Variants in VSIG8 observed in about 807,000 individuals in gnomAD.
The protein encoded by VSIG8 is V-set and immunoglobulin domain containing 8.
VSIG8 carries 32 observed loss-of-function variants against 42.6 expected under a neutral mutation model. The observed-to-expected ratio is 0.75, with a 90% CI of 0.57 to 1.01. VSIG8 has a LOEUF of 1.01. Among genes scored for constraint, VSIG8 ranks in the 50% least tolerant of loss-of-function variants. The pLI is 0.00. For synonymous variants in VSIG8, 290 were observed against 243.8 expected (o/e 1.19, Z -1.77); for missense variants, 529 against 558.0 (o/e 0.95, Z 0.52).
intron 4 of VSIG8, 45 bp downstream of exon 4, chr1:159,857,700 G>A (rs774842804): frequency 6.5e-7 from 1 of 1,549,724 alleles, no homozygotes; most frequent in Non-Finnish European, 8.9e-7. Context: ...CAGAGTCCCT[G>A]ATCTTCCACT....
At chr1:159,856,771 C>CCACACACACA (rs34019182) in intron 4 of VSIG8, 128 bp from the exon 5 acceptor site, 6 of 890,512 alleles carry the variant, frequency 6.7e-6, no homozygotes, top group African/African-American at 1.8e-5. Context: ...ACACCCACAC[C>CCACACACACA]CACACACACA....
At chr1:159,856,765 CCACACCCACACA>C (rs1648844117) in intron 4 of VSIG8, 122 bp from the exon 5 acceptor site, 1 of 1,146,260 alleles carries the variant, frequency 8.7e-7, no homozygotes. Flanking sequence ...GTGTGTACAC[CCACACCCACACA>C]CACACACACA....
At position 159,857,979 on chromosome 1, in the gene VSIG8, A is replaced by G; in HGVS notation, c.431-13T>C. 6.2e-7 allele frequency: 1 copy of G among 1,613,038 alleles called. No individual in the cohort carries two copies. ...ACTGCAGGTCGTGCTGCAAGGAGGC[A>G]GACAATTGTAAGCCAGGGCCCAGCC... On this transcript the variant is annotated splice_polypyrimidine_tract_variant and intron_variant, in intron 3 of 6. Coordinates refer to ENST00000368100, the MANE Select transcript of VSIG8 (RefSeq NM_001013661.1).
Position 159,854,560 on chromosome 1 carries a change from G to T in VSIG8, c.*193C>A. 8.9e-7 allele frequency: 1 copy of T among 1,126,344 alleles called. No homozygotes were observed. Among genetic ancestry groups the T allele is most frequent in the Non-Finnish European group, 1.2e-6 (1 of 863,742 alleles). The allele number at this position is 1,126,344 out of a possible 1,614,324, so 69.8% of individuals were successfully genotyped here. On this transcript the variant is annotated 3_prime_UTR_variant, in exon 7 of 7. Transcript: ENST00000368100. The stretch of plus-strand genomic sequence containing the variant: ...CTCAGGATCGCCTTCCTCCGCCCTC[G>T]CCCGCCCCTTCCCACTTTTGGGGAG...
chr1:159,856,640 A>G lies in VSIG8; in HGVS notation c.656T>C (p.Leu219Pro). 6.2e-7 allele frequency: 1 copy of G among 1,613,964 alleles called. No individual in the cohort carries two copies. Among genetic ancestry groups the G allele is most frequent in the African/African-American group, 1.3e-5 (1 of 75,042 alleles). ...CTTCAACACCAGGTCCCCATTGTTC[A>G]GGCCTGAAAGTGAAGTGGAGAGAGG... Reference protein sequence around the residue: ...ESFHSSINQGLNNGDLVLKDI... With the variant: ...ESFHSSINQGPNNGDLVLKDI... Residue 219 changes from leucine to proline, a missense_variant, in exon 5 of 7, where the codon CTG becomes CCG. By Grantham distance (98) the Leu-to-Pro change is moderately conservative. Transcript: ENST00000368100.
chr1:159,858,898 C>G lies in VSIG8; in HGVS notation c.64G>C (p.Val22Leu), dbSNP rs561309462. The G allele has an allele frequency of 5.0e-6, 8 of 1,613,524 alleles. No individual in the cohort carries two copies. The highest frequency in any genetic ancestry group is 3.3e-5 in the South Asian group (3 of 91,042). ...VCLSPALLSAVRINGDGQEVL... is the reference protein window; with the variant it reads ...VCLSPALLSALRINGDGQEVL... ...TCCTGTCCATCCCCGTTGATCCGCA[C>G]AGCAGACAGCAGTGCTAGGGGGAGG... The change falls in exon 2 of 7, where the codon GTG (valine) becomes CTG (leucine). Residue 22 changes from valine to leucine, a missense_variant. Val to Leu is a conservative substitution (Grantham distance 32). Coordinates refer to ENST00000368100, the MANE Select transcript of VSIG8 (RefSeq NM_001013661.1).
chr1:159,857,701 A>T (rs768187218), intron 4 of VSIG8, 44 bp downstream of exon 4: 1 of 1,556,362 alleles, frequency 6.4e-7, no homozygotes, highest in South Asian at 1.1e-5. Context: ...AGAGTCCCTG[A>T]TCTTCCACTC....
intron 1 of VSIG8, among the ~76,000 whole-genome samples, chr1:159,859,703 A>G (rs1480595950): frequency 2.6e-5 from 4 of 152,158 alleles, no homozygotes; most frequent in Non-Finnish European, 1.5e-5. Context: ...GGCCACAGGT[A>G]TCTGTAGGAC....
chr1:159,856,174 G>C, intron 5 of VSIG8, 93 bp from the exon 6 acceptor site: 4 of 1,307,528 alleles, frequency 3.1e-6, no homozygotes, highest in Non-Finnish European at 4.2e-6. Flanking sequence ...AGGGGTTAAT[G>C]GGAAAGAGGG....
chr1:159,858,017 C>T, intron 3 of VSIG8, 51 bp from the exon 4 acceptor site: 1 of 1,612,080 alleles, frequency 6.2e-7, no homozygotes, highest in Non-Finnish European at 8.5e-7. Flanking sequence ...GAGACAGAGC[C>T]AGGCTCAAAG....
At chr1:159,859,036 A>G (rs943786538) in intron 1 of VSIG8, 124 bp from the exon 2 acceptor site, 19 of 1,005,838 alleles carry the variant, frequency 1.9e-5, no homozygotes, top group Middle Eastern at 3.2e-4. Context: ...TGCTTTCATA[A>G]AAAGGAGGGC....
At chr1:159,860,870 G>A (rs1448944508) in intron 1 of VSIG8, 1 of 152,304 alleles carries the variant, frequency 6.6e-6, no homozygotes, top group African/African-American at 2.4e-5. Context: ...GAGGGGCTTG[G>A]GAAGGAGCGA....
At chr1:159,858,647 T>A in intron 2 of VSIG8, 87 bp downstream of exon 2, 3 of 1,467,082 alleles carry the variant, frequency 2.0e-6, no homozygotes, top group Non-Finnish European at 2.7e-6. Context: ...AGGTTCAAGG[T>A]CAGTCTTCTC....
At position 159,858,780 on chromosome 1, in the gene VSIG8, T is replaced by C. The variant is rs1283820669; in HGVS notation, c.182A>G (p.Glu61Gly). ...EDYGPNGLDI[E>G]WMQVNSDPAH... ...GGGGTCTGAGTTGACCTGCATCCAC[T>C]CGATGTCCAGCCCATTGGGACCATA... The change falls in exon 2 of 7, where the codon GAG becomes GGG. Residue 61 changes from glutamate (E) to glycine (G), a missense_variant. Physicochemically the swap from Glu to Gly is moderately conservative, Grantham distance 98 (BLOSUM62 -2). Coordinates refer to ENST00000368100, the MANE Select transcript of VSIG8 (RefSeq NM_001013661.1). 1 of 1,613,638 alleles carries C rather than the reference T, an allele frequency of 6.2e-7. No homozygotes were observed. The highest frequency in any genetic ancestry group is 8.5e-7 in the Non-Finnish European group (1 of 1,179,924).
chr1:159,854,576 T>G lies in VSIG8; in HGVS notation c.*177A>C. 1 of 1,217,252 alleles carries G rather than the reference T, an allele frequency of 8.2e-7. No homozygotes were observed. The highest frequency in any genetic ancestry group is 1.1e-6 in the Non-Finnish European group (1 of 944,624). The allele number at this position is 1,217,252 out of a possible 1,614,324, so 75.4% of individuals were successfully genotyped here. On this transcript the variant is annotated 3_prime_UTR_variant, in exon 7 of 7. Coordinates refer to ENST00000368100, the MANE Select transcript of VSIG8 (RefSeq NM_001013661.1). Reference sequence around the variant, plus strand: ...TCCGCCCTCGCCCGCCCCTTCCCACTTTTGGGGAGGAGGCTCTGCCTCCCT... The same window carrying G: ...TCCGCCCTCGCCCGCCCCTTCCCACGTTTGGGGAGGAGGCTCTGCCTCCCT...
At chr1:159,859,709 A>G (rs1292372983) in intron 1 of VSIG8, among the ~76,000 whole-genome samples, 2 of 152,310 alleles carry the variant, frequency 1.3e-5, no homozygotes, top group East Asian at 3.9e-4. Context: ...AGGTATCTGT[A>G]GGACATTGTG....
In VSIG8 at chr1:159,854,715, C is replaced by T. The variant is rs1648738962; in HGVS notation, c.*38G>A. On this transcript the variant is annotated 3_prime_UTR_variant, in exon 7 of 7. Coordinates refer to ENST00000368100, the MANE Select transcript of VSIG8 (RefSeq NM_001013661.1). Reference sequence around the variant, plus strand: ...CTGCAGACAGAGAGCCCCGCGCCCTCCTCCTGGCTGGGGCGCAGCCCGGCC... The same window carrying T: ...CTGCAGACAGAGAGCCCCGCGCCCTTCTCCTGGCTGGGGCGCAGCCCGGCC... 4 of 1,430,754 alleles carry T rather than the reference C, an allele frequency of 2.8e-6. No individual in the cohort carries two copies. The highest frequency in any genetic ancestry group is 2.7e-6 in the Non-Finnish European group (3 of 1,100,784). 88.6% of individuals were successfully genotyped at this position (1,430,754 alleles called of 1,614,324 possible).
At chr1:159,861,409 T>C (rs1007147965) in intron 1 of VSIG8, 1 of 152,092 alleles carries the variant, frequency 6.6e-6, no homozygotes, top group Non-Finnish European at 1.5e-5. Context: ...ATTGATGCGT[T>C]AATGCAGCCA....
rs760057308 is a variant in VSIG8, at chr1:159,862,568, G to A, written c.-47C>T. The A allele has an allele frequency of 6.3e-7, 1 of 1,591,726 alleles. No homozygotes were observed. The highest frequency in any genetic ancestry group is 8.6e-7 in the Non-Finnish European group (1 of 1,164,584). On this transcript the variant is annotated 5_prime_UTR_variant, in exon 1 of 7. Coordinates refer to ENST00000368100, the MANE Select transcript of VSIG8 (RefSeq NM_001013661.1). The stretch of plus-strand genomic sequence containing the variant: ...TCCGTCTGGGCTGGGTATCCCGTGG[G>A]GTCGTAGTGGTGGGTGTGAGGGGGT...
Sources: gnomAD v4.1 joint callset for allele counts (sites outside exome capture counted in the v4.1 genomes callset) on GRCh38, gnomAD v4.1.1 for gene constraint, MANE v1.5 for transcripts, NCBI Gene and HGNC (gene_info 2026-07-23, HGNC 2026-07-21) for gene names.